Variants in PUF60 observed in about 807,000 individuals in gnomAD.
PUF60 encodes the protein poly(U)-binding-splicing factor PUF60.
PUF60 carries 10 observed loss-of-function variants against 61.8 expected under a neutral mutation model. The observed-to-expected ratio is 0.16, with a 90% CI of 0.10 to 0.27. PUF60 has a LOEUF of 0.27. Among genes scored for constraint, PUF60 ranks in the 10% least tolerant of loss-of-function variants. The pLI is 1.00. For synonymous variants in PUF60, 353 were observed against 300.9 expected (o/e 1.17, Z -1.79); for missense variants, 371 against 754.0 (o/e 0.49, Z 5.95).
intron 1 of PUF60, 67 bp from the exon 2 acceptor site, chr8:143,824,466 C>T: frequency 3.3e-6 from 5 of 1,524,844 alleles, no homozygotes; most frequent in Non-Finnish European, 4.5e-6. Context: ...TGCTCTCCTC[C>T]CGAGCTAAGG....
At position 143,817,828 on chromosome 8, in the gene PUF60, T is replaced by C; in HGVS notation, c.817+34A>G. 6.2e-7 allele frequency: 1 copy of C among 1,607,716 alleles called. No individual in the cohort carries two copies. The highest frequency in any genetic ancestry group is 1.1e-5 in the South Asian group (1 of 90,584). ...GAGCAGGGCCAGCCCCAGCCTCAGG[T>C]GGCCCCCATCCCGCCTCAGCCACCC... is the stretch of plus-strand genomic sequence containing the variant. On this transcript the variant is annotated intron_variant, in intron 8 of 11. Coordinates refer to ENST00000526683, the MANE Select transcript of PUF60 (RefSeq NM_078480.3). The surrounding 1 kb of genome is among the most constrained non-coding windows in gnomAD (Gnocchi z 7.4).
At chr8:143,820,787 G>A (rs1816914934) in intron 4 of PUF60, 71 bp from the exon 5 acceptor site, 8 of 1,429,868 alleles carry the variant, frequency 5.6e-6, no homozygotes, top group South Asian at 1.1e-5. Flanking sequence ...AACACCTCAC[G>A]CAGACAGCGG....
At chr8:143,827,916 TC>T (rs1817818733) in intron 1 of PUF60, among the ~76,000 whole-genome samples, 1 of 152,152 alleles carries the variant, frequency 6.6e-6, no homozygotes. Flanking sequence ...GCATCCACTC[TC>T]CTCCTCCACC....
In PUF60 at chr8:143,817,433, G is replaced by A. The variant is rs768969026; in HGVS notation, c.1042C>T (p.Leu348=). 1.1e-5 allele frequency: 18 copies of A among 1,607,376 alleles called. No individual in the cohort carries two copies. The highest frequency in any genetic ancestry group is 1.5e-5 in the Non-Finnish European group (18 of 1,177,860). Residue 348 remains leucine, a synonymous_variant, in exon 10 of 12, where the codon CTG becomes TTG. Transcript: ENST00000526683. This position sits in a 1 kb window ranked among gnomAD's most constrained non-coding sequence, Gnocchi z 7.4. ...GGGGACACCAGTCCAGGTGTGCCCA[G>A]GGTACCCAGCACCGCTGCTCCGGCC... The part of the protein sequence containing the change: ...AVAGAAVLGT[L]GTPGLVSPAL...
intron 1 of PUF60, chr8:143,829,071 G>C: frequency 9.5e-7 from 1 of 1,057,300 alleles, no homozygotes; most frequent in Non-Finnish European, 1.1e-6. Context: ...CCGGAAGCTG[G>C]GGTCCGCAGG....
intron 5 of PUF60, among the ~76,000 whole-genome samples, chr8:143,819,978 C>G (rs1182607177): frequency 6.6e-6 from 1 of 152,204 alleles, no homozygotes; most frequent in Non-Finnish European, 1.5e-5. Context: ...CAGAGGCTCC[C>G]AGAGAAGGGT....
chr8:143,821,489 T>A (rs759683190), intron 4 of PUF60, 108 bp downstream of exon 4: 9 of 1,037,954 alleles, frequency 8.7e-6, no homozygotes, highest in Non-Finnish European at 1.3e-5. Context: ...ATCGGAGCAC[T>A]GTAACAGCTT....
intron 1 of PUF60, among the ~76,000 whole-genome samples, chr8:143,828,130 G>A (rs1376501152): frequency 1.3e-5 from 2 of 152,212 alleles, no homozygotes; most frequent in Non-Finnish European, 2.9e-5. Flanking sequence ...ATCACACACT[G>A]GGCTGCCCTC....
At chr8:143,823,137 G>A (rs1817215336) in intron 2 of PUF60, 1 of 165,498 alleles carries the variant, frequency 6.0e-6, no homozygotes, top group Admixed American at 6.0e-5. Flanking sequence ...GGCACCAGGT[G>A]CCCCAGTCCG....
rs1816343866 is a variant in PUF60 at position 143,816,782 on chromosome 8, T to C, written c.1418A>G (p.Lys473Arg). 2 of 1,613,596 alleles carry C rather than the reference T, an allele frequency of 1.2e-6. No individual in the cohort carries two copies. The highest frequency in any genetic ancestry group is 2.2e-5 in the East Asian group (1 of 44,876). Residue 473 changes from lysine (K) to arginine (R), a missense_variant, in exon 12 of 12, where the codon AAG becomes AGG. Lys to Arg is a conservative substitution (Grantham distance 26). Around this residue, in one of 13 missense-constraint regions of PUF60, gnomAD observed 38 missense variants for 112.9 expected, o/e 0.34. Transcript: ENST00000526683. ...CCCTTCCAGGTCATCATCGATGTCC[T>C]TGGGGTCCACCATGTTGCGCAGAAC... is the stretch of plus-strand genomic sequence containing the variant. ...VMVLRNMVDP[K>R]DIDDDLEGEV...
intron 1 of PUF60, among the ~76,000 whole-genome samples, chr8:143,826,130 C>G (rs976897937): frequency 6.6e-6 from 1 of 152,326 alleles, no homozygotes; most frequent in African/African-American, 2.4e-5. Context: ...ATTAAAATGG[C>G]GTCTTTATGG....
At chr8:143,823,137 GC>G in intron 2 of PUF60, 1 of 165,616 alleles carries the variant, frequency 6.0e-6, no homozygotes. Flanking sequence ...GGCACCAGGT[GC>G]CCCAGTCCGG....
At chr8:143,819,930 G>A (rs1320030778) in intron 5 of PUF60, among the ~76,000 whole-genome samples, 2 of 152,188 alleles carry the variant, frequency 1.3e-5, no homozygotes, top group Non-Finnish European at 2.9e-5. Flanking sequence ...GGCGTGTGTT[G>A]CCCCATGGGA....
At chr8:143,823,420 A>C (rs1370567102) in intron 2 of PUF60, 1 of 152,404 alleles carries the variant, frequency 6.6e-6, no homozygotes, top group African/African-American at 2.4e-5. Context: ...CACCATGGTA[A>C]TCAATGCCAA....
chr8:143,817,760 G>A lies in PUF60; in HGVS notation c.840C>T (p.Ser280=), dbSNP rs766079103. The A allele has an allele frequency of 9.9e-6, 16 of 1,611,906 alleles. No individual in the cohort carries two copies. The highest frequency in any genetic ancestry group is 1.3e-5 in the Non-Finnish European group (15 of 1,179,516). ...GFIEYEKAQS[S]QDAVSSMNLF... is the part of the protein sequence containing the mutation. Reference sequence around the variant, plus strand: ...GGTTCATGGAAGACACAGCATCTTGGGACGACTGGGCCTTCTCGTACTCTG... The same window carrying A: ...GGTTCATGGAAGACACAGCATCTTGAGACGACTGGGCCTTCTCGTACTCTG... Residue 280 remains serine, a synonymous_variant, in exon 9 of 12, where the codon TCC becomes TCT. Transcript: ENST00000526683. The surrounding 1 kb of genome is among the most constrained non-coding windows in gnomAD (Gnocchi z 7.4).
rs782788394 is a variant in PUF60 at position 143,829,309 on chromosome 8, G to A, written c.-6C>T. 1 of 1,262,390 alleles carries A rather than the reference G, an allele frequency of 7.9e-7. No individual in the cohort carries two copies. Among genetic ancestry groups the A allele is most frequent in the Non-Finnish European group, 1.0e-6 (1 of 997,696 alleles). 78.2% of individuals were successfully genotyped at this position (1,262,390 alleles called of 1,614,324 possible). ...GCTATGGTCGCCGTCGCCATCTTGC[G>A]TCCGTCGCGGCCTCCGCGCGCGCCT... On this transcript the variant is annotated 5_prime_UTR_variant, in exon 1 of 12. It adds an upstream start codon to the 5' untranslated region. Transcript: ENST00000526683.
In PUF60 at chr8:143,824,350, G is replaced by A. The variant is rs772425057; in HGVS notation, c.74C>T (p.Ala25Val). 1.2e-6 allele frequency: 2 copies of A among 1,606,458 alleles called. No individual in the cohort carries two copies. The highest frequency in any genetic ancestry group is 1.7e-6 in the Non-Finnish European group (2 of 1,176,486). Residue 25 changes from alanine to valine, a missense_variant, in exon 2 of 12, where the codon GCA becomes GTA. Ala to Val is a moderately conservative substitution (Grantham distance 64). This residue lies in a region of PUF60 where 69 missense variants were observed against 64.7 expected (regional missense o/e 1.07). Transcript: ENST00000526683. Reference sequence around the variant, plus strand: ...CCATTTGTCTCCCGCTGCCACCACTGCCGCCGCCGCCGCCGGCTCGGACCC... The same window carrying A: ...CCATTTGTCTCCCGCTGCCACCACTACCGCCGCCGCCGCCGGCTCGGACCC... ...GGGSEPAAAA[A>V]VVAAGDKWKP...
rs752616778 is a variant in PUF60 at position 143,817,610 on chromosome 8, A to G, written c.990T>C (p.Thr330=). ...CCCTCACCTGAGCTGTGATCTTGGCAGTGGCTGCAGCAGCTGCCACAGCAG... is the reference window on the plus strand; with the variant it reads ...CCCTCACCTGAGCTGTGATCTTGGCGGTGGCTGCAGCAGCTGCCACAGCAG... ...PAAAVAAAAA[T]AKITAQEAVA... The change falls in exon 9 of 12, where the codon ACT becomes ACC. Residue 330 remains threonine (T), a synonymous_variant. Coordinates refer to ENST00000526683, the MANE Select transcript of PUF60 (RefSeq NM_078480.3). The surrounding 1 kb of genome is among the most constrained non-coding windows in gnomAD (Gnocchi z 7.4). 2.5e-5 allele frequency: 40 copies of G among 1,610,666 alleles called. No homozygotes were observed. The highest frequency in any genetic ancestry group is 2.9e-5 in the Non-Finnish European group (34 of 1,179,478).
chr8:143,827,233 G>A (rs1817733585), intron 1 of PUF60: 2 of 372,120 alleles, frequency 5.4e-6, no homozygotes, highest in African/African-American at 2.1e-5. Context: ...GCAGCCGGGG[G>A]CCTCTCTATG....
Sources: gnomAD v4.1 joint callset for allele counts (sites outside exome capture counted in the v4.1 genomes callset) on GRCh38, gnomAD v4.1.1 for gene constraint, gnomAD v4.1.1 regional missense constraint, Gnocchi (gnomAD v3.1) non-coding constraint, MANE v1.5 for transcripts, NCBI Gene and HGNC (gene_info 2026-07-23, HGNC 2026-07-21) for gene names.